The following EHD3 variants were observed in gnomAD, a reference collection of about 807,000 sequenced individuals.
EHD3 encodes EH domain-containing protein 3.
Under a neutral mutation model 43.0 loss-of-function variants are expected in EHD3, and 17 were observed. The observed-to-expected ratio is 0.40, with a 90% confidence interval of 0.27 to 0.59. The LOEUF (loss-of-function observed/expected upper bound fraction) is 0.59. Among genes scored for constraint, EHD3 ranks in the 20% least tolerant of loss-of-function variants. The probability of loss-of-function intolerance (pLI) is 0.49; values close to 1 mark genes in which losing one functional copy is unlikely to be tolerated. For synonymous variants in EHD3, 313 were observed against 289.5 expected, an observed-to-expected ratio of 1.08 and a Z score of -0.82; for missense variants, 594 against 705.6, an observed-to-expected ratio of 0.84 and a Z score of 1.79.
intron 1 of EHD3, among the ~76,000 whole-genome samples, chr2:31,236,390 A>C (rs1285920177): frequency 2.0e-5 from 3 of 152,216 alleles, no homozygotes; most frequent in African/African-American, 7.2e-5. Context: ...CTTTAGAAAA[A>C]TGTACGTACA....
chr2:31,240,641 C>T (rs140219944), intron 1 of EHD3, among the ~76,000 whole-genome samples: 28 of 152,312 alleles, frequency 1.8e-4, no homozygotes, highest in Middle Eastern at 6.8e-3. Context: ...GTAACTTCCC[C>T]GGAAGCCACC....
rs1451008448 is a variant in EHD3, at chr2:31,266,158, T to G, written c.1081-19T>G. ...CTTTCATCGTATCCTATCTTCATCCTCTCTCCTCCTCTTCCCAGGACCAGC... is the reference window on the plus strand; with the variant it reads ...CTTTCATCGTATCCTATCTTCATCCGCTCTCCTCCTCTTCCCAGGACCAGC... On this transcript the variant is annotated intron_variant, in intron 5 of 5. Transcript: ENST00000322054. This position sits in a 1 kb window ranked among gnomAD's most constrained non-coding sequence, Gnocchi z 5.1. 2.5e-6 allele frequency: 4 copies of G among 1,594,444 alleles called. No individual in the cohort carries two copies. The highest frequency in any genetic ancestry group is 1.7e-6 in the Non-Finnish European group (2 of 1,167,872).
rs768625383 is a variant in EHD3, at chr2:31,260,631, G to C, written c.624G>C (p.Lys208Asn). The C allele has an allele frequency of 1.9e-6, 3 of 1,614,194 alleles. No individual in the cohort carries two copies. The highest frequency in any genetic ancestry group is 1.3e-5 in the African/African-American group (1 of 75,044). The change falls in exon 4 of 6, where the codon AAG (lysine) becomes AAC (asparagine). Residue 208 changes from lysine to asparagine, a missense_variant. By Grantham distance (94) the Lys-to-Asn change is moderately conservative. Transcript: ENST00000322054. The surrounding 1 kb of genome is among the most constrained non-coding windows in gnomAD (Gnocchi z 4.6). ...DEFSEVIKAL[K>N]NHEDKMRVVL... ...TCTCAGAAGTCATCAAAGCCCTCAA[G>C]AACCACGAGGACAAGATGCGAGTGG...
At chr2:31,255,310 G>C (rs916032540) in intron 3 of EHD3, among the ~76,000 whole-genome samples, 16 of 152,188 alleles carry the variant, frequency 1.1e-4, no homozygotes, top group African/African-American at 3.9e-4. Context: ...GTGGGTCTCA[G>C]AGCCATCGCT....
At chr2:31,243,334 A>G (rs1683456158) in intron 1 of EHD3, among the ~76,000 whole-genome samples, 1 of 112,128 alleles carries the variant, frequency 8.9e-6, no homozygotes, top group Admixed American at 9.2e-5. Flanking sequence ...ACTTAATAAC[A>G]TAGTACTTGT....
At chr2:31,254,900 G>A (rs1217153538) in intron 3 of EHD3, among the ~76,000 whole-genome samples, 2 of 152,228 alleles carry the variant, frequency 1.3e-5, no homozygotes, top group African/African-American at 4.8e-5. Flanking sequence ...ATTATGAAGA[G>A]CGAATGAGGT....
At position 31,249,441 on chromosome 2, in the gene EHD3, T is replaced by C. The variant is rs1683591203; in HGVS notation, c.475T>C (p.Ser159Pro). ...ISVIDTPGIL[S>P]GEKQRISRGY... ...CGTCATCGACACACCAGGGATCCTC[T>C]CTGGGGAGAAGCAGAGGATCAGCCG... Residue 159 changes from serine to proline, a missense_variant, in exon 3 of 6, where the codon TCT (serine) becomes CCT (proline). Coordinates refer to ENST00000322054, the MANE Select transcript of EHD3 (RefSeq NM_014600.3). The C allele has an allele frequency of 6.2e-7, 1 of 1,613,954 alleles. No individual in the cohort carries two copies. Among genetic ancestry groups the C allele is most frequent in the Admixed American group, 1.7e-5 (1 of 59,986 alleles).
intron 3 of EHD3, among the ~76,000 whole-genome samples, chr2:31,253,398 C>G (rs1683677698): frequency 6.6e-6 from 1 of 152,124 alleles, no homozygotes. Flanking sequence ...CCAGCCCAGG[C>G]AAGGACCGGA....
chr2:31,245,098 T>C (rs148226660), intron 2 of EHD3, among the ~76,000 whole-genome samples: 3 of 152,256 alleles, frequency 2.0e-5, no homozygotes, highest in Non-Finnish European at 4.4e-5. Flanking sequence ...CTCACACTTA[T>C]TACACTGATA....
At chr2:31,235,081 A>C (rs964608966) in intron 1 of EHD3, among the ~76,000 whole-genome samples, 3 of 152,124 alleles carry the variant, frequency 2.0e-5, no homozygotes, top group Non-Finnish European at 4.4e-5. Flanking sequence ...TGTGGTGGTC[A>C]ACCTGAAGTA....
At chr2:31,258,022 G>A (rs187578536) in intron 3 of EHD3, among the ~76,000 whole-genome samples, 29 of 152,232 alleles carry the variant, frequency 1.9e-4, no homozygotes, top group South Asian at 8.3e-4. Context: ...TAAGCTCCTC[G>A]TAGCCTCATA....
rs770171206 is a variant in EHD3, at chr2:31,234,696, C to T, written c.75C>T (p.Leu25=). ...TTTTCCAGACGGTGAGTGAGGGGCT[C>T]AAGAAACTCTACAAGAGCAAGCTGC... ...PEVFQTVSEG[L]KKLYKSKLLP... The change falls in exon 1 of 6, where the codon CTC becomes CTT. Residue 25 remains leucine (L), a synonymous_variant. Coordinates refer to ENST00000322054, the MANE Select transcript of EHD3 (RefSeq NM_014600.3). 3.1e-6 allele frequency: 5 copies of T among 1,614,222 alleles called. No individual in the cohort carries two copies. The highest frequency in any genetic ancestry group is 4.2e-6 in the Non-Finnish European group (5 of 1,180,022).
chr2:31,262,360 A>G (rs1474329771), intron 5 of EHD3, among the ~76,000 whole-genome samples: 1 of 152,190 alleles, frequency 6.6e-6, no homozygotes, highest in Non-Finnish European at 1.5e-5. Flanking sequence ...GCTGGGCCCA[A>G]AGGTCCAAGC....
intron 4 of EHD3, 140 bp from the exon 5 acceptor site, chr2:31,261,409 A>C: frequency 1.2e-5 from 12 of 982,644 alleles, no homozygotes; most frequent in East Asian, 2.5e-5. Context: ...CCATGAGGGT[A>C]GAGGTAGAAA....
chr2:31,255,600 A>T (rs1030978569), intron 3 of EHD3, among the ~76,000 whole-genome samples: 7 of 152,168 alleles, frequency 4.6e-5, no homozygotes, highest in Non-Finnish European at 8.8e-5. Context: ...CTAGATCTGC[A>T]CCTAAGTCCA....
chr2:31,269,053 C>G lies in EHD3; in HGVS notation c.*2349C>G, dbSNP rs1187912819. The G allele has an allele frequency of 6.6e-6, 1 of 152,252 alleles. No homozygotes were observed. The highest frequency in any genetic ancestry group is 2.4e-5 in the African/African-American group (1 of 41,456). 9.4% of individuals were successfully genotyped at this position (152,252 alleles called of 1,614,324 possible). A position where few individuals can be genotyped will look rare whatever the true frequency, so the allele number is the denominator to read the frequency against. On this transcript the variant is annotated 3_prime_UTR_variant, in exon 6 of 6. Coordinates refer to ENST00000322054, the MANE Select transcript of EHD3 (RefSeq NM_014600.3). Reference sequence around the variant, plus strand: ...GATGTTTGAGGGGACAGATGTGGGTCACTTTCCCTGGCAGTGCCCTCTAGC... The same window carrying G: ...GATGTTTGAGGGGACAGATGTGGGTGACTTTCCCTGGCAGTGCCCTCTAGC...
At chr2:31,252,870 T>C (rs929940529) in intron 3 of EHD3, among the ~76,000 whole-genome samples, 6 of 152,132 alleles carry the variant, frequency 3.9e-5, no homozygotes, top group Admixed American at 1.3e-4. Context: ...GAGTCCAGAC[T>C]GTAAATGCAG....
intron 1 of EHD3, among the ~76,000 whole-genome samples, chr2:31,242,388 C>A (rs1373138513): frequency 2.0e-5 from 3 of 152,170 alleles, no homozygotes; most frequent in Non-Finnish European, 4.4e-5. Flanking sequence ...CTTTTTGACA[C>A]CTGTTTAGGT....
chr2:31,240,667 G>A (rs1051209073), intron 1 of EHD3, among the ~76,000 whole-genome samples: 1 of 152,214 alleles, frequency 6.6e-6, no homozygotes, highest in African/African-American at 2.4e-5. Flanking sequence ...AGGCTGGGAA[G>A]CCTTCACTCA....
Sources: gnomAD v4.1 joint callset for allele counts (sites outside exome capture counted in the v4.1 genomes callset) on GRCh38, gnomAD v4.1.1 for gene constraint, Gnocchi (gnomAD v3.1) non-coding constraint, MANE v1.5 for transcripts, NCBI Gene and HGNC (gene_info 2026-07-23, HGNC 2026-07-21) for gene names.